The following ABL1 variants were observed in gnomAD, a reference collection of about 807,000 sequenced individuals.
ABL1 encodes the protein tyrosine-protein kinase ABL1.
In ABL1, 11 loss-of-function variants were observed where a neutral mutation model predicts 94.7. The ratio of observed to expected loss-of-function variants is 0.12; its 90% CI spans 0.07 to 0.19. The LOEUF (loss-of-function observed/expected upper bound fraction) is 0.19. Among genes scored for constraint, ABL1 ranks in the 10% least tolerant of loss-of-function variants. ABL1 has a pLI of 1.00. For missense variants in ABL1, 1,082 were observed against 1,489.4 expected (o/e 0.73, Z 4.50); for synonymous variants, 656 against 622.4 (o/e 1.05, Z -0.80).
chr9:130,722,445 A>G (rs1329467125), intron 1 of ABL1, among the ~76,000 whole-genome samples: 1 of 152,166 alleles, frequency 6.6e-6, no homozygotes. Flanking sequence ...ACTTAATGCT[A>G]GGGATTGGAT....
chr9:130,850,314 T>G (rs1830835846), intron 1 of ABL1, among the ~76,000 whole-genome samples: 1 of 152,210 alleles, frequency 6.6e-6, no homozygotes, highest in Non-Finnish European at 1.5e-5. Context: ...CAGAATTAGG[T>G]GTAAGACAAC....
At chr9:130,780,201 C>A (rs982068929) in intron 1 of ABL1, among the ~76,000 whole-genome samples, 1 of 152,154 alleles carries the variant, frequency 6.6e-6, no homozygotes, top group Non-Finnish European at 1.5e-5. Context: ...GCAGGAGAAT[C>A]GCTTGAACCC....
At chr9:130,775,928 G>A (rs553314474) in intron 1 of ABL1, among the ~76,000 whole-genome samples, 10 of 152,106 alleles carry the variant, frequency 6.6e-5, no homozygotes, top group South Asian at 2.1e-4. Context: ...TCTTAAAAGC[G>A]CTGAGAGAAA....
chr9:130,753,428 T>C (rs867565846), intron 1 of ABL1, among the ~76,000 whole-genome samples: 17,533 of 121,214 alleles, frequency 0.14, 672 homozygotes, highest in Middle Eastern at 0.25. Context: ...TTTTCTTTTT[T>C]TTTTTTTTTT....
rs376529913 is a variant in ABL1 at position 130,854,124 on chromosome 9, G to A, written c.140G>A (p.Arg47His). 13 of 1,614,094 alleles carry A rather than the reference G, an allele frequency of 8.1e-6. No individual in the cohort carries two copies. Among genetic ancestry groups the A allele is most frequent in the East Asian group, 4.5e-5 (2 of 44,880 alleles). Reference protein sequence around the residue: ...FEPQGLSEAARWNSKENLLAG... With the variant: ...FEPQGLSEAAHWNSKENLLAG... ...CCTCAGGGTCTGAGTGAAGCCGCTC[G>A]TTGGAACTCCAAGGAAAACCTTCTC... is the stretch of plus-strand genomic sequence containing the variant. The change falls in exon 2 of 11, where the codon CGT (arginine) becomes CAT (histidine). Residue 47 changes from arginine to histidine, a missense_variant. Physicochemically the swap from Arg to His is conservative, Grantham distance 29. Transcript: ENST00000318560.
At chr9:130,828,268 T>A (rs959660660) in intron 1 of ABL1, among the ~76,000 whole-genome samples, 1 of 152,084 alleles carries the variant, frequency 6.6e-6, no homozygotes, top group Admixed American at 6.5e-5. Context: ...TCTCACTATG[T>A]TGCCCAGGCT....
At chr9:130,786,330 G>A (rs1472559030) in intron 1 of ABL1, among the ~76,000 whole-genome samples, 1 of 152,192 alleles carries the variant, frequency 6.6e-6, no homozygotes, top group Non-Finnish European at 1.5e-5. Context: ...ATAAGGAGGT[G>A]GTTCAGAGAA....
intron 1 of ABL1, among the ~76,000 whole-genome samples, chr9:130,800,133 A>G (rs374710985): frequency 6.6e-6 from 1 of 152,098 alleles, no homozygotes. Flanking sequence ...CAGCCTTCCA[A>G]AGTGCTGGGA....
intron 1 of ABL1, among the ~76,000 whole-genome samples, chr9:130,805,461 G>A (rs145669860): frequency 0.011 from 1,603 of 152,102 alleles, 35 homozygotes; most frequent in African/African-American, 0.033. Context: ...TTTTTCTTAC[G>A]GAATTTCTTG....
intron 1 of ABL1, among the ~76,000 whole-genome samples, chr9:130,801,809 C>T (rs1830059325): frequency 6.6e-6 from 1 of 152,134 alleles, no homozygotes; most frequent in Non-Finnish European, 1.5e-5. Flanking sequence ...TGTTCCCATA[C>T]CTGCCCTTTC....
upstream of ABL1, chr9:130,835,078 G>T (rs150152330): frequency 0.02 from 6,092 of 305,946 alleles, 70 homozygotes; most frequent in African/African-American, 0.025. The surrounding 1 kb of genome is among the most constrained non-coding windows in gnomAD (Gnocchi z 4.6). Context: ...CCTTCCCCCT[G>T]CGAGGATCGC....
chr9:130,793,825 T>C lies in ABL1; in HGVS notation c.137-60239T>C, dbSNP rs571539277. Among the ~76,000 whole-genome samples the C allele has an allele frequency of 5.3e-5, 8 of 152,314 alleles. No homozygotes were observed. In the South Asian group the frequency reaches 1.7e-3, roughly 32 times the overall value. On this transcript the variant is annotated intron_variant, in intron 1 of 10. Transcript: ENST00000372348. ...AGCCGCTCCCCATAGTACTCATTACTGCCTGAGCTCCGCCTCCTGTCAGAT... is the reference window on the plus strand; with the variant it reads ...AGCCGCTCCCCATAGTACTCATTACCGCCTGAGCTCCGCCTCCTGTCAGAT...
chr9:130,857,151 G>C (rs1173768381), intron 3 of ABL1, among the ~76,000 whole-genome samples: 1 of 152,156 alleles, frequency 6.6e-6, no homozygotes, highest in Non-Finnish European at 1.5e-5. Context: ...CTGACTAGTG[G>C]CCCATGGCCT....
At chr9:130,764,167 G>A (rs551259056) in intron 1 of ABL1, among the ~76,000 whole-genome samples, 1 of 152,272 alleles carries the variant, frequency 6.6e-6, no homozygotes, top group African/African-American at 2.4e-5. Flanking sequence ...CAGGGTCAGA[G>A]AGGCCAGGAC....
chr9:130,883,961 C>A lies in ABL1; in HGVS notation c.1679-8C>A. 5 of 1,601,116 alleles carry A rather than the reference C, an allele frequency of 3.1e-6. No homozygotes were observed. The highest frequency in any genetic ancestry group is 4.3e-6 in the Non-Finnish European group (5 of 1,174,862). On this transcript the variant is annotated splice_polypyrimidine_tract_variant and splice_region_variant and intron_variant, in intron 10 of 10. Transcript: ENST00000318560. ...CTGGAGTTGTCAGCTCTTCCCCTTG[C>A]GTTTCAGATCCTCTGGACCATGAGC...
At chr9:130,772,579 A>AG (rs1189604961) in intron 1 of ABL1, among the ~76,000 whole-genome samples, 1 of 152,216 alleles carries the variant, frequency 6.6e-6, no homozygotes, top group Non-Finnish European at 1.5e-5. Context: ...TGGTGGGAGA[A>AG]GAGGAGGAGA....
intron 1 of ABL1, among the ~76,000 whole-genome samples, chr9:130,782,322 A>G (rs939960293): frequency 6.6e-6 from 1 of 152,140 alleles, no homozygotes; most frequent in African/African-American, 2.4e-5. Flanking sequence ...TGGCCTCCCA[A>G]AGTGCTGGGA....
intron 1 of ABL1, among the ~76,000 whole-genome samples, chr9:130,802,095 CTT>C (rs3085157): frequency 2.0e-4 from 26 of 132,012 alleles, no homozygotes; most frequent in Non-Finnish European, 1.9e-4. Flanking sequence ...TTCCTTCAGT[CTT>C]TTTTTTTTTT....
intron 1 of ABL1, among the ~76,000 whole-genome samples, chr9:130,717,576 CAA>C (rs1460273320): frequency 6.6e-6 from 1 of 150,708 alleles, no homozygotes; most frequent in African/African-American, 2.4e-5. Flanking sequence ...CCACTGGAGC[CAA>C]AGAGTCGAGG....
Sources: allele counts gnomAD v4.1 joint callset (sites outside exome capture counted in the v4.1 genomes callset), GRCh38; gene constraint gnomAD v4.1.1; non-coding constraint Gnocchi (gnomAD v3.1); transcripts MANE v1.5; gene names NCBI Gene and HGNC (gene_info 2026-07-23, HGNC 2026-07-21).